PHF14: variants seen among roughly 807,000 people sequenced by gnomAD.
PHF14 encodes PHD finger protein 14.
In PHF14, 55 loss-of-function variants were observed where a neutral mutation model predicts 117.9. The ratio of observed to expected loss-of-function variants is 0.47; its 90% CI spans 0.38 to 0.58. PHF14 has a LOEUF of 0.58. PHF14 is among the 20% of genes least tolerant of loss of function. The pLI is 0.00. For synonymous variants in PHF14, 409 were observed against 368.6 expected, an observed-to-expected ratio of 1.11 and a Z score of -1.26; for missense variants, 978 against 1,122.2, an observed-to-expected ratio of 0.87 and a Z score of 1.84.
chr7:11,018,162 A>G (rs758071088), intron 5 of PHF14, among the ~76,000 whole-genome samples: 1 of 152,096 alleles, frequency 6.6e-6, no homozygotes, highest in African/African-American at 2.4e-5. Context: ...TGGCTACTGT[A>G]GGTTTGTGGT....
chr7:11,063,559 AT>A, intron 16 of PHF14: 1 of 971,664 alleles, frequency 1.0e-6, no homozygotes, highest in Non-Finnish European at 1.2e-6. Flanking sequence ...TTTATTAATT[AT>A]TTGAACCTGT....
intron 17 of PHF14, among the ~76,000 whole-genome samples, chr7:11,155,293 C>T (rs956550975): frequency 6.6e-6 from 1 of 152,092 alleles, no homozygotes; most frequent in African/African-American, 2.4e-5. Flanking sequence ...CTGGGTTTGC[C>T]AGTCACTGAC....
chr7:11,048,627 A>G (rs1784753726), intron 13 of PHF14, among the ~76,000 whole-genome samples: 7 of 152,184 alleles, frequency 4.6e-5, no homozygotes, highest in Admixed American at 4.6e-4. Context: ...CCATGGCTTT[A>G]TTCTAGGTTA....
At chr7:10,976,260 T>A (rs149935839) in intron 2 of PHF14, among the ~76,000 whole-genome samples, 6 of 152,316 alleles carry the variant, frequency 3.9e-5, no homozygotes, top group African/African-American at 1.4e-4. Context: ...TTTTTTATCC[T>A]TTGCTTCTCA....
At chr7:11,077,621 AGAC>A (rs1304930858) in intron 16 of PHF14, among the ~76,000 whole-genome samples, 1 of 150,552 alleles carries the variant, frequency 6.6e-6, no homozygotes, top group Non-Finnish European at 1.5e-5. Context: ...AAAAAAAAAA[AGAC>A]AGATTCAAGC....
Position 11,057,625 on chromosome 7 carries a change from C to G in PHF14, c.2482-4166C>G, listed in dbSNP as rs183162730. On this transcript the variant is annotated intron_variant, in intron 14 of 17. Coordinates refer to ENST00000634607, the MANE Select transcript of PHF14 (RefSeq NM_001007157.2). ...GTTACCTCAGGTGATCTACCCGCCT[C>G]GGCCTCCCAAAGTACTAAGATCACA... is the stretch of plus-strand genomic sequence containing the variant. Among the ~76,000 whole-genome samples, 601 of 152,266 alleles carry G rather than the reference C, an allele frequency of 3.9e-3. 4 individuals are homozygous for G. The highest frequency in any genetic ancestry group is 0.014 in the African/African-American group (578 of 41,570).
At chr7:10,979,286 C>T (rs1438343218) in intron 2 of PHF14, among the ~76,000 whole-genome samples, 1 of 151,834 alleles carries the variant, frequency 6.6e-6, no homozygotes, top group African/African-American at 2.4e-5. Flanking sequence ...CTGGCCATTA[C>T]CACTCAGAGG....
Position 11,007,323 on chromosome 7 carries a change from A to G in PHF14, c.1046-6424A>G, listed in dbSNP as rs184311430. ...TTGCAAATATTTTCCATCCTTGCAAATGTTTTTTATGTTTTCCATCCTGTT... is the reference window on the plus strand; with the variant it reads ...TTGCAAATATTTTCCATCCTTGCAAGTGTTTTTTATGTTTTCCATCCTGTT... On this transcript the variant is annotated intron_variant, in intron 4 of 17. Coordinates refer to ENST00000634607, the MANE Select transcript of PHF14 (RefSeq NM_001007157.2). 2.4e-4 allele frequency among the ~76,000 whole-genome samples: 36 copies of G among 152,026 alleles called. No homozygotes were observed. The East Asian group carries it at 6.8e-3, about 29-fold the overall frequency.
At chr7:10,988,426 A>G (rs1314167500) in intron 3 of PHF14, among the ~76,000 whole-genome samples, 1 of 152,050 alleles carries the variant, frequency 6.6e-6, no homozygotes, top group African/African-American at 2.4e-5. Context: ...CCTTTTTTCC[A>G]GGGCTGAATA....
At chr7:11,050,653 A>G (rs1351348316) in intron 13 of PHF14, among the ~76,000 whole-genome samples, 2 of 152,210 alleles carry the variant, frequency 1.3e-5, no homozygotes, top group Non-Finnish European at 2.9e-5. Flanking sequence ...TCTGGACAGC[A>G]CAGATATGTA....
chr7:11,162,281 G>A (rs930867691), intron 17 of PHF14, among the ~76,000 whole-genome samples: 5 of 151,580 alleles, frequency 3.3e-5, no homozygotes, highest in African/African-American at 1.2e-4. Flanking sequence ...GTGGAGACGG[G>A]GTTTCTCCTT....
intron 13 of PHF14, among the ~76,000 whole-genome samples, chr7:11,044,863 T>G (rs1052845584): frequency 3.9e-5 from 6 of 152,142 alleles, no homozygotes; most frequent in Admixed American, 2.0e-4. Context: ...TTTTTGTATT[T>G]GTTTTGGAAT....
At chr7:10,974,439 A>C in intron 1 of PHF14, 115 bp downstream of exon 1, 1 of 883,178 alleles carries the variant, frequency 1.1e-6, no homozygotes, top group South Asian at 1.4e-5. Context: ...GGATTGGTGG[A>C]CCCTCGCCCT....
intron 2 of PHF14, among the ~76,000 whole-genome samples, chr7:10,975,965 G>C (rs1318596092): frequency 6.6e-6 from 1 of 152,152 alleles, no homozygotes; most frequent in Non-Finnish European, 1.5e-5. Context: ...TTTGCATTGT[G>C]ATTTACTGAT....
intron 17 of PHF14, among the ~76,000 whole-genome samples, chr7:11,164,033 G>T (rs1401980375): frequency 2.0e-5 from 3 of 152,022 alleles, no homozygotes; most frequent in African/African-American, 7.2e-5. Context: ...TATTAATTTG[G>T]ATCCAGTTAT....
intron 4 of PHF14, among the ~76,000 whole-genome samples, chr7:11,007,822 A>G (rs1364707422): frequency 1.3e-5 from 2 of 152,128 alleles, no homozygotes; most frequent in Non-Finnish European, 2.9e-5. Flanking sequence ...AAGTAATTGC[A>G]TAAGGATCTT....
At chr7:11,083,926 A>G (rs2128336999) in intron 16 of PHF14, among the ~76,000 whole-genome samples, 1 of 152,292 alleles carries the variant, frequency 6.6e-6, no homozygotes, top group East Asian at 1.9e-4. Context: ...TCCAGAGGAG[A>G]AGATGGGATG....
chr7:11,012,107 A>C (rs1783377165), intron 4 of PHF14, among the ~76,000 whole-genome samples: 1 of 152,250 alleles, frequency 6.6e-6, no homozygotes, highest in African/African-American at 2.4e-5. Flanking sequence ...GACTGAGTTC[A>C]CAGACAAAAT....
In PHF14 at chr7:10,983,065, A is replaced by G. The variant is rs375256340; in HGVS notation, c.806A>G (p.Lys269Arg). 1.8e-5 allele frequency: 28 copies of G among 1,595,136 alleles called. No homozygotes were observed. Among genetic ancestry groups the G allele is most frequent in the Non-Finnish European group, 2.3e-5 (27 of 1,176,598 alleles). Residue 269 changes from lysine to arginine, a missense_variant, in exon 3 of 18, where the codon AAG becomes AGG. By Grantham distance (26) the Lys-to-Arg change is conservative. This residue lies in a region of PHF14 where 414 missense variants were observed against 376.4 expected (regional missense o/e 1.10). Coordinates refer to ENST00000634607, the MANE Select transcript of PHF14 (RefSeq NM_001007157.2). ...HSSPASEGGC[K>R]KKKSKVLSRN... is the part of the protein sequence containing the mutation. ...AGCCCTGCCAGTGAAGGGGGTTGCA[A>G]GAAGAAGAAGAGTAAAGTTCTTAGC...
Sources: gnomAD v4.1 joint callset for allele counts (sites outside exome capture counted in the v4.1 genomes callset) on GRCh38, gnomAD v4.1.1 for gene constraint, gnomAD v4.1.1 regional missense constraint, MANE v1.5 for transcripts, NCBI Gene and HGNC (gene_info 2026-07-23, HGNC 2026-07-21) for gene names.